SLC35F1: variants seen among roughly 807,000 people sequenced by gnomAD.
The protein encoded by SLC35F1 is chromosome 6 open reading frame 169.
A neutral mutation model predicts 48.7 loss-of-function variants in SLC35F1; 14 were observed. The ratio of observed to expected loss-of-function variants is 0.29; its 90% CI spans 0.19 to 0.45. SLC35F1 has a LOEUF of 0.45. Ranked by LOEUF, SLC35F1 falls within the 20% of genes least tolerant of loss-of-function variation. The probability of loss-of-function intolerance (pLI) is 1.00; values close to 1 mark genes in which losing one functional copy is unlikely to be tolerated. For synonymous variants in SLC35F1, 190 were observed against 202.2 expected (o/e 0.94, Z 0.51); for missense variants, 404 against 500.0 (o/e 0.81, Z 1.83).
intron 1 of SLC35F1, among the ~76,000 whole-genome samples, chr6:118,139,172 G>C (rs1457830982): frequency 6.6e-6 from 1 of 152,150 alleles, no homozygotes. Flanking sequence ...GAGCGCAGTG[G>C]TGTGATCTCA....
chr6:118,156,955 T>TA (rs1774153694), intron 2 of SLC35F1, among the ~76,000 whole-genome samples: 2 of 152,116 alleles, frequency 1.3e-5, no homozygotes, highest in Admixed American at 6.5e-5. Context: ...AGGTAGAGGC[T>TA]AAAAAAGCTT....
chr6:117,974,645 C>A (rs1342765412), intron 1 of SLC35F1, among the ~76,000 whole-genome samples: 1 of 152,076 alleles, frequency 6.6e-6, no homozygotes, highest in Non-Finnish European at 1.5e-5. Context: ...TTATTAAAGA[C>A]CCAAAGAGCT....
At chr6:118,308,483 A>G (rs1291216282) in intron 7 of SLC35F1, among the ~76,000 whole-genome samples, 2 of 152,198 alleles carry the variant, frequency 1.3e-5, no homozygotes, top group Non-Finnish European at 1.5e-5. Flanking sequence ...GGGCTGTGCT[A>G]CATAACCTTG....
At chr6:118,106,955 T>C (rs1470290099) in intron 1 of SLC35F1, among the ~76,000 whole-genome samples, 1 of 152,218 alleles carries the variant, frequency 6.6e-6, no homozygotes, top group Admixed American at 6.5e-5. Flanking sequence ...AGCCATTCTA[T>C]ATAAATAACA....
chr6:118,311,923 A>C (rs573491950), intron 7 of SLC35F1, among the ~76,000 whole-genome samples: 84 of 152,364 alleles, frequency 5.5e-4, no homozygotes, highest in Middle Eastern at 3.4e-3. Context: ...GCTAATGTGA[A>C]TTGAATGTTT....
chr6:118,199,150 G>C (rs929428984), intron 2 of SLC35F1, among the ~76,000 whole-genome samples: 2 of 152,184 alleles, frequency 1.3e-5, no homozygotes, highest in African/African-American at 4.8e-5. Context: ...AGGACATCCT[G>C]TTCTAGGAAG....
At chr6:117,973,602 G>T (rs1037917286) in intron 1 of SLC35F1, among the ~76,000 whole-genome samples, 1 of 151,716 alleles carries the variant, frequency 6.6e-6, no homozygotes, top group Non-Finnish European at 1.5e-5. Flanking sequence ...ACAAGGTCTT[G>T]CTCTGTTGCC....
chr6:118,088,123 GTTAC>G (rs778851344), intron 1 of SLC35F1, among the ~76,000 whole-genome samples: 13 of 152,104 alleles, frequency 8.5e-5, no homozygotes, highest in Non-Finnish European at 1.8e-4. Context: ...TACTTTAATA[GTTAC>G]TTAAAGTATT....
chr6:118,144,269 A>C (rs1773937166), intron 1 of SLC35F1, among the ~76,000 whole-genome samples: 1 of 152,190 alleles, frequency 6.6e-6, no homozygotes, highest in African/African-American at 2.4e-5. Context: ...AAAAAGGAAC[A>C]AGATCATGTC....
At chr6:118,225,679 C>T (rs1451485003) in intron 2 of SLC35F1, among the ~76,000 whole-genome samples, 1 of 151,142 alleles carries the variant, frequency 6.6e-6, no homozygotes, top group Non-Finnish European at 1.5e-5. Context: ...TCACAGCATC[C>T]TGGCTAACAC....
chr6:118,074,467 A>G (rs1772789735), intron 1 of SLC35F1, among the ~76,000 whole-genome samples: 1 of 152,082 alleles, frequency 6.6e-6, no homozygotes, highest in African/African-American at 2.4e-5. Context: ...ACCTCCTCAA[A>G]TCAAGCTCAT....
At chr6:118,172,153 C>T (rs1274282043) in intron 2 of SLC35F1, among the ~76,000 whole-genome samples, 1 of 150,932 alleles carries the variant, frequency 6.6e-6, no homozygotes, top group African/African-American at 2.4e-5. Context: ...TTAATCAGAA[C>T]CTCCATTCAA....
intron 7 of SLC35F1, among the ~76,000 whole-genome samples, chr6:118,310,465 TTC>T (rs1379006693): frequency 1.3e-5 from 2 of 152,232 alleles, no homozygotes; most frequent in East Asian, 3.8e-4. Flanking sequence ...TGATTCAATT[TTC>T]TTTTTCTTAA....
chr6:118,004,900 T>G (rs979030248), intron 1 of SLC35F1, among the ~76,000 whole-genome samples: 4 of 151,888 alleles, frequency 2.6e-5, no homozygotes, highest in Admixed American at 2.6e-4. Context: ...TAGATCTAGT[T>G]GCTGGTCATA....
intron 1 of SLC35F1, among the ~76,000 whole-genome samples, chr6:118,068,750 G>A (rs992138694): frequency 5.3e-5 from 8 of 152,072 alleles, no homozygotes; most frequent in African/African-American, 7.2e-5. Context: ...AGCATTCTGC[G>A]CATATTATCT....
intron 1 of SLC35F1, among the ~76,000 whole-genome samples, chr6:118,006,887 CA>C (rs1212603364): frequency 2.0e-5 from 3 of 152,106 alleles, no homozygotes; most frequent in African/African-American, 7.2e-5. Flanking sequence ...ATGTTACACA[CA>C]TGCTACATGT....
At chr6:117,928,936 T>A (rs1209120794) in intron 1 of SLC35F1, among the ~76,000 whole-genome samples, 6 of 152,090 alleles carry the variant, frequency 3.9e-5, no homozygotes, top group African/African-American at 1.4e-4. Flanking sequence ...AAATTGACCC[T>A]CCTAGTCTTA....
At chr6:118,255,842 A>G (rs1015478791) in intron 3 of SLC35F1, among the ~76,000 whole-genome samples, 5 of 152,344 alleles carry the variant, frequency 3.3e-5, no homozygotes, top group Admixed American at 2.0e-4. Context: ...GCTCTCTTGG[A>G]CAATGTGATG....
chr6:117,956,630 G>T (rs1232205670), intron 1 of SLC35F1, among the ~76,000 whole-genome samples: 2 of 152,198 alleles, frequency 1.3e-5, no homozygotes, highest in African/African-American at 4.8e-5. Flanking sequence ...GCCCAACTCT[G>T]CCATCTGATT....
Sources: allele counts gnomAD v4.1 joint callset (sites outside exome capture counted in the v4.1 genomes callset), GRCh38; gene constraint gnomAD v4.1.1; transcripts MANE v1.5; gene names NCBI Gene and HGNC (gene_info 2026-07-23, HGNC 2026-07-21).